CYP3A4: variants seen among roughly 807,000 people sequenced by gnomAD.
The protein encoded by CYP3A4 is cytochrome P450 3A4.
In CYP3A4, 41 loss-of-function variants were observed where a neutral mutation model predicts 54.9. The ratio of observed to expected loss-of-function variants is 0.75; its 90% CI spans 0.58 to 0.97. The LOEUF (loss-of-function observed/expected upper bound fraction) is 0.97, where lower values mean the gene tolerates loss of function less well. Among genes scored for constraint, CYP3A4 ranks in the 50% least tolerant of loss-of-function variants. CYP3A4 has a pLI of 0.00. For synonymous variants in CYP3A4, 179 were observed against 205.2 expected, an observed-to-expected ratio of 0.87 and a Z score of 1.09; for missense variants, 510 against 597.3, an observed-to-expected ratio of 0.85 and a Z score of 1.52.
chr7:99,764,052 T>A, intron 9 of CYP3A4, 37 bp from the exon 10 acceptor site: 1 of 1,612,974 alleles, frequency 6.2e-7, no homozygotes, highest in East Asian at 2.2e-5. Flanking sequence ...GTAAATCAGA[T>A]CAATGTAGGG....
intron 8 of CYP3A4, 187 bp from the exon 9 acceptor site, chr7:99,766,630 CTG>C: frequency 1.4e-6 from 1 of 713,674 alleles, no homozygotes; most frequent in Non-Finnish European, 2.2e-6. Context: ...GGATGTTTTC[CTG>C]AAACAAATCT....
At chr7:99,780,194 T>C in intron 1 of CYP3A4, 109 bp from the exon 2 acceptor site, 1 of 1,081,408 alleles carries the variant, frequency 9.2e-7, no homozygotes. Context: ...GAGGTAACAT[T>C]AAGGCAAGAA....
chr7:99,763,724 G>A (rs1815400984), intron 10 of CYP3A4, 131 bp downstream of exon 10: 1 of 1,259,992 alleles, frequency 7.9e-7, no homozygotes, highest in Non-Finnish European at 1.1e-6. Context: ...TCTTTTCAGA[G>A]CCTTCCTACA....
chr7:99,761,181 T>C (rs1459812364), intron 11 of CYP3A4, among the ~76,000 whole-genome samples, 200 bp from the exon 12 acceptor site: 3 of 152,198 alleles, frequency 2.0e-5, no homozygotes, highest in African/African-American at 7.2e-5. Context: ...CCTGACACTA[T>C]AGGAGCTTTC....
chr7:99,772,679 C>T lies in CYP3A4; in HGVS notation c.229G>A (p.Gly77Ser). The T allele has an allele frequency of 5.0e-6, 8 of 1,613,100 alleles. No individual in the cohort carries two copies. The South Asian group carries it at 5.5e-5, about 11-fold the overall frequency. Residue 77 changes from glycine (G) to serine (S), a missense_variant, in exon 4 of 13, where the codon GGT becomes AGT. Gly to Ser is a moderately conservative substitution (Grantham distance 56, BLOSUM62 0). Around this residue, in one of 2 missense-constraint regions of CYP3A4, gnomAD observed 272 missense variants for 274.9 expected, o/e 0.99. Transcript: ENST00000651514. ...KYGKVWGFYD[G>S]QQPVLAITDP... Reference sequence around the variant, plus strand: ...GTGATAGCCAGCACAGGCTGTTGACCATCATAAAAGCTGTGTGAAAAAAAC... The same window carrying T: ...GTGATAGCCAGCACAGGCTGTTGACTATCATAAAAGCTGTGTGAAAAAAAC...
rs55808838 is a variant in CYP3A4 at position 99,768,346 on chromosome 7, C to T, written c.670+8G>A. ...AAGATAAATAAAAGGAAATAGTAGT[C>T]CACATACTTATTGAGAGAAAGAATG... On this transcript the variant is annotated splice_region_variant and intron_variant, in intron 7 of 12. Transcript: ENST00000651514. The T allele has an allele frequency of 5.8e-4, 940 of 1,612,486 alleles. 9 individuals carry two copies. The highest frequency in any genetic ancestry group is 8.7e-4 in the East Asian group (39 of 44,830).
At chr7:99,771,984 A>C (rs1018225605) in intron 4 of CYP3A4, among the ~76,000 whole-genome samples, 17 of 152,224 alleles carry the variant, frequency 1.1e-4, no homozygotes, top group Non-Finnish European at 7.4e-5. Flanking sequence ...AAACTTTATG[A>C]CTTTTAGAAA....
intron 3 of CYP3A4, among the ~76,000 whole-genome samples, chr7:99,775,715 G>A (rs1166077602): frequency 6.6e-6 from 1 of 152,150 alleles, no homozygotes; most frequent in Non-Finnish European, 1.5e-5. Context: ...AGACTTAAAT[G>A]TAAGACCTAG....
Position 99,758,183 on chromosome 7 carries a change from G to A in CYP3A4, c.1462C>T (p.Pro488Ser). 1 of 1,613,990 alleles carries A rather than the reference G, an allele frequency of 6.2e-7. No individual in the cohort carries two copies. Among genetic ancestry groups the A allele is most frequent in the African/African-American group, 1.3e-5 (1 of 75,028 alleles). ...SLGGLLQPEK[P>S]VVLKVESRDG... ...CTTGACTCAACCTTTAGAACAACGGGTTTTTCTGGTTGAAGAAGTCCTCCT... is the reference window on the plus strand; with the variant it reads ...CTTGACTCAACCTTTAGAACAACGGATTTTTCTGGTTGAAGAAGTCCTCCT... The change falls in exon 13 of 13, where the codon CCC becomes TCC. Residue 488 changes from proline (P) to serine (S), a missense_variant. This residue lies in a region of CYP3A4 where 238 missense variants were observed against 322.5 expected (regional missense o/e 0.74). Transcript: ENST00000651514.
At chr7:99,768,044 T>C (rs1478520755) in intron 7 of CYP3A4, among the ~76,000 whole-genome samples, 1 of 152,178 alleles carries the variant, frequency 6.6e-6, no homozygotes, top group African/African-American at 2.4e-5. Flanking sequence ...TAAAAAACCC[T>C]GATGAATTAA....
Position 99,758,227 on chromosome 7 carries a change from A to T in CYP3A4, c.1418T>A (p.Ile473Asn), listed in dbSNP as rs746394187. The change falls in exon 13 of 13, where the codon ATC becomes AAC. Residue 473 changes from isoleucine (I) to asparagine (N), a missense_variant and splice_region_variant. This residue lies in a region of CYP3A4 where 238 missense variants were observed against 322.5 expected (regional missense o/e 0.74). Coordinates refer to ENST00000651514, the MANE Select transcript of CYP3A4 (RefSeq NM_017460.6). The stretch of plus-strand genomic sequence containing the variant: ...TCCTCCTAAGCTTAATTTCAGGGGG[A>T]TCTGCAACAGTTAAACAAGCATATT... ...FSFKPCKETQIPLKLSLGGLL... is the reference protein window; with the variant it reads ...FSFKPCKETQNPLKLSLGGLL... 4.3e-6 allele frequency: 7 copies of T among 1,613,642 alleles called. No homozygotes were observed. In the Admixed American group the frequency reaches 8.3e-5, roughly 19 times the overall value.
rs1425592766 is a variant in CYP3A4 at position 99,782,227 on chromosome 7, G to T, written c.71+1784C>A. Among the ~76,000 whole-genome samples, 5 of 152,282 alleles carry T rather than the reference G, an allele frequency of 3.3e-5. 1 individual carries two copies. In the South Asian group the frequency reaches 8.3e-4, roughly 25 times the overall value. On this transcript the variant is annotated intron_variant, in intron 1 of 12. Coordinates refer to ENST00000651514, the MANE Select transcript of CYP3A4 (RefSeq NM_017460.6). ...ATTGAGTTAATGTGTCAGCAGCATT[G>T]GTCCCCAAGGAATGATCTAGGTGAA...
chr7:99,764,128 A>G (rs914851043), intron 9 of CYP3A4, 113 bp from the exon 10 acceptor site: 25 of 1,498,284 alleles, frequency 1.7e-5, no homozygotes, highest in Non-Finnish European at 2.0e-5. Flanking sequence ...AAGAATAGAA[A>G]AGCAATTCAG....
Position 99,757,300 on chromosome 7 carries a change from A to T in CYP3A4, c.*833T>A, listed in dbSNP as rs1416846976. ...ATTCTCCTGCCTCAGCCTCCTGTGTAGTGAGATTACAGGCGAGTCCACCAT... is the reference window on the plus strand; with the variant it reads ...ATTCTCCTGCCTCAGCCTCCTGTGTTGTGAGATTACAGGCGAGTCCACCAT... On this transcript the variant is annotated 3_prime_UTR_variant, in exon 13 of 13. Transcript: ENST00000651514. 1 of 152,178 alleles carries T rather than the reference A, an allele frequency of 6.6e-6. No homozygotes were observed. Among genetic ancestry groups the T allele is most frequent in the African/African-American group, 2.4e-5 (1 of 41,414 alleles). The allele number at this position is 152,178 out of a possible 1,614,324, so 9.4% of individuals were successfully genotyped here. A position where few individuals can be genotyped will look rare whatever the true frequency, so the allele number is the denominator to read the frequency against.
At chr7:99,775,880 G>T (rs1213817560) in intron 3 of CYP3A4, among the ~76,000 whole-genome samples, 1 of 152,136 alleles carries the variant, frequency 6.6e-6, no homozygotes, top group African/African-American at 2.4e-5. Context: ...CACAGCAAAA[G>T]AAACTATCAT....
rs1198477603 is a variant in CYP3A4 at position 99,770,215 on chromosome 7, A to T, written c.339T>A (p.Phe113Leu). 2 of 1,613,516 alleles carry T rather than the reference A, an allele frequency of 1.2e-6. No individual in the cohort carries two copies. The highest frequency in any genetic ancestry group is 1.7e-6 in the Non-Finnish European group (2 of 1,179,538). ...CAGCTATAGAGATGGCACTTTTCAT[A>T]AATCCCACTGGACCAAAAGGCTAGA... Reference protein sequence around the residue: ...TNRRPFGPVGFMKSAISIAED... With the variant: ...TNRRPFGPVGLMKSAISIAED... The change falls in exon 5 of 13, where the codon TTT becomes TTA. Residue 113 changes from phenylalanine to leucine, a missense_variant. Phe to Leu is a conservative substitution (Grantham distance 22). Coordinates refer to ENST00000651514, the MANE Select transcript of CYP3A4 (RefSeq NM_017460.6).
chr7:99,766,420 C>G lies in CYP3A4; in HGVS notation c.822G>C (p.Leu274=), dbSNP rs1295069475. The change falls in exon 9 of 13, where the codon CTG becomes CTC. Residue 274 remains leucine, a synonymous_variant. Coordinates refer to ENST00000651514, the MANE Select transcript of CYP3A4 (RefSeq NM_017460.6). ...TQKHRVDFLQ[L]MIDSQNSKET... ...CTTTTGAATTCTGAGAGTCAATCAT[C>G]AGCTGAAGGAAATCCACTCGGTGCT... The G allele has an allele frequency of 1.9e-6, 3 of 1,613,688 alleles. No homozygotes were observed. Among genetic ancestry groups the G allele is most frequent in the Non-Finnish European group, 1.7e-6 (2 of 1,179,710 alleles).
intron 1 of CYP3A4, among the ~76,000 whole-genome samples, chr7:99,780,953 G>A (rs10264769): frequency 0.052 from 7,899 of 152,252 alleles, 696 homozygotes; most frequent in African/African-American, 0.18. Flanking sequence ...CAGTGCCAGT[G>A]ATATGGTCTG....
chr7:99,778,235 C>A (rs192272617), intron 2 of CYP3A4, among the ~76,000 whole-genome samples, 155 bp from the exon 3 acceptor site: 9 of 152,290 alleles, frequency 5.9e-5, no homozygotes, highest in Admixed American at 5.2e-4. Flanking sequence ...TAAGAGAAAA[C>A]AGAGGAGGTA....
Sources: allele counts gnomAD v4.1 joint callset (sites outside exome capture counted in the v4.1 genomes callset), GRCh38; gene constraint gnomAD v4.1.1; regional missense constraint gnomAD v4.1.1; transcripts MANE v1.5; gene names NCBI Gene and HGNC (gene_info 2026-07-23, HGNC 2026-07-21).